ZNF541: variants seen among roughly 807,000 people sequenced by gnomAD.
The protein encoded by ZNF541 is zinc finger protein 541.
A neutral mutation model predicts 123.5 loss-of-function variants in ZNF541; 23 were observed. The observed-to-expected ratio is 0.19, with a 90% CI of 0.13 to 0.26. The LOEUF (loss-of-function observed/expected upper bound fraction) is 0.26. Ranked by LOEUF, ZNF541 falls within the 10% of genes least tolerant of loss-of-function variation. The pLI is 1.00. For synonymous variants in ZNF541, 751 were observed against 754.5 expected (o/e 1.00, Z 0.08); for missense variants, 1,612 against 1,789.9 (o/e 0.90, Z 1.79).
chr19:47,547,619 G>C (rs1346723461), intron 4 of ZNF541, among the ~76,000 whole-genome samples: 1 of 152,134 alleles, frequency 6.6e-6, no homozygotes, highest in Non-Finnish European at 1.5e-5. Context: ...CCTTTTCCTG[G>C]GGTAGGTGTG....
Position 47,529,602 on chromosome 19 carries a change from G to A in ZNF541, c.3456C>T (p.His1152=). ...CTGTGTAGCGATAGTCAGCGAGCAGGTGTGTCCGTGGCTTGTGGGGCCCTC... is the reference window on the plus strand; with the variant it reads ...CTGTGTAGCGATAGTCAGCGAGCAGATGTGTCCGTGGCTTGTGGGGCCCTC... ...LLRGPHKPRT[H]LLADYRYTGS... The change falls in exon 13 of 17, where the codon CAC becomes CAT. Residue 1152 remains histidine, a synonymous_variant. Coordinates refer to ENST00000391901, the MANE Select transcript of ZNF541 (RefSeq NM_001277075.3). The A allele has an allele frequency of 1.3e-6, 2 of 1,551,678 alleles. No individual in the cohort carries two copies. Among genetic ancestry groups the A allele is most frequent in the Non-Finnish European group, 1.7e-6 (2 of 1,146,984 alleles).
chr19:47,522,744 C>CTTTT (rs35868495), intron 14 of ZNF541, among the ~76,000 whole-genome samples: 2 of 112,448 alleles, frequency 1.8e-5, no homozygotes, highest in Non-Finnish European at 1.8e-5. Flanking sequence ...TGCAGTGAGC[C>CTTTT]TTTTTTTTTT....
In ZNF541 at chr19:47,520,987, CTA is replaced by C; in HGVS notation, c.*235_*236del. 1 of 528,838 alleles carries C rather than the reference CTA, an allele frequency of 1.9e-6. No homozygotes were observed. The highest frequency in any genetic ancestry group is 3.4e-6 in the Non-Finnish European group (1 of 297,208). The allele number at this position is 528,838 out of a possible 1,614,324, so 32.8% of individuals were successfully genotyped here. On this transcript the variant is annotated 3_prime_UTR_variant, in exon 17 of 17. Coordinates refer to ENST00000391901, the MANE Select transcript of ZNF541 (RefSeq NM_001277075.3). ...AGTGGAAGGGAAAGAAGGGGAGAGA[CTA>C]TGAACCTAAGGAGAGTGGAGCCTCC...
In ZNF541 at chr19:47,521,977, T is replaced by C. The variant is rs1969055899; in HGVS notation, c.3588A>G (p.Val1196=). ...TGTAATAATACTCAACGCACTGAGC[T>C]ACCGTCTTTGTCTGGATCTAGTGAA... The part of the protein sequence containing the change: ...LIHKMIQTKT[V]AQCVEYYYIW... Residue 1196 remains valine (V), a synonymous_variant, in exon 15 of 17, where the codon GTA becomes GTG. Transcript: ENST00000391901. This position sits in a 1 kb window ranked among gnomAD's most constrained non-coding sequence, Gnocchi z 4.2. The C allele has an allele frequency of 6.4e-7, 1 of 1,552,088 alleles. No individual in the cohort carries two copies. The highest frequency in any genetic ancestry group is 1.4e-5 in the African/African-American group (1 of 73,052).
At chr19:47,527,788 T>C (rs919018357) in intron 14 of ZNF541, among the ~76,000 whole-genome samples, 8 of 150,190 alleles carry the variant, frequency 5.3e-5, no homozygotes, top group African/African-American at 2.0e-4. Context: ...CAACCTCCGC[T>C]TCCCGGGTTC....
rs752845864 is a variant in ZNF541, at chr19:47,521,005, T to C, written c.*219A>G. On this transcript the variant is annotated 3_prime_UTR_variant, in exon 17 of 17. Coordinates refer to ENST00000391901, the MANE Select transcript of ZNF541 (RefSeq NM_001277075.3). This position sits in a 1 kb window ranked among gnomAD's most constrained non-coding sequence, Gnocchi z 4.2. ...GGAGAGACTATGAACCTAAGGAGAG[T>C]GGAGCCTCCAGCACCACCGGACAGG... The C allele has an allele frequency of 1.4e-5, 8 of 559,850 alleles. No homozygotes were observed. The highest frequency in any genetic ancestry group is 2.5e-5 in the South Asian group (1 of 39,888). 34.7% of individuals were successfully genotyped at this position (559,850 alleles called of 1,614,324 possible).
chr19:47,523,335 CT>C lies in ZNF541; in HGVS notation c.3571-1342del, dbSNP rs146852833. Among the ~76,000 whole-genome samples, 86 of 106,906 alleles carry C rather than the reference CT, an allele frequency of 8.0e-4. 1 individual carries two copies. Among genetic ancestry groups the C allele is most frequent in the South Asian group, 2.5e-3 (9 of 3,538 alleles). 70.1% of individuals were successfully genotyped at this position (106,906 alleles called of 152,430 possible). Reference sequence around the variant, plus strand: ...GAGCCACCGCGCCCGGCGAGCGTCTCTTTTAAAAAAAAAAAAAAAAAAAAAA... The same window carrying C: ...GAGCCACCGCGCCCGGCGAGCGTCTCTTTAAAAAAAAAAAAAAAAAAAAAA... On this transcript the variant is annotated intron_variant, in intron 14 of 16. Coordinates refer to ENST00000391901, the MANE Select transcript of ZNF541 (RefSeq NM_001277075.3).
rs373450606 is a variant in ZNF541 at position 47,529,571 on chromosome 19, C to A, written c.3481+6G>T. On this transcript the variant is annotated splice_donor_region_variant and intron_variant, in intron 13 of 16. Transcript: ENST00000391901. Reference sequence around the variant, plus strand: ...CCAAACCAGCTCAGCAGCCTTTCCCCGTCACCTGTGTAGCGATAGTCAGCG... The same window carrying A: ...CCAAACCAGCTCAGCAGCCTTTCCCAGTCACCTGTGTAGCGATAGTCAGCG... 6.4e-7 allele frequency: 1 copy of A among 1,551,610 alleles called. No homozygotes were observed. Among genetic ancestry groups the A allele is most frequent in the East Asian group, 2.4e-5 (1 of 40,920 alleles).
At chr19:47,548,129 CAA>C (rs60292081) in intron 4 of ZNF541, among the ~76,000 whole-genome samples, 99 of 135,304 alleles carry the variant, frequency 7.3e-4, no homozygotes, top group Middle Eastern at 3.8e-3. Flanking sequence ...GAAAAAAAAA[CAA>C]AAAAAAAAAT....
At position 47,544,613 on chromosome 19, in the gene ZNF541, G is replaced by T; in HGVS notation, c.1916C>A (p.Ser639Tyr). Reference sequence around the variant, plus strand: ...TGCGTCTCGTCTCGTGCTGCCGGGGGAGGCCTCTCTGGGAACCCCGGGTGT... The same window carrying T: ...TGCGTCTCGTCTCGTGCTGCCGGGGTAGGCCTCTCTGGGAACCCCGGGTGT... ...KTTPGVPREA[S>Y]PGSTRRDAKG... Residue 639 changes from serine to tyrosine, a missense_variant, in exon 5 of 17, where the codon TCC (serine) becomes TAC (tyrosine). Physicochemically the swap from Ser to Tyr is moderately radical, Grantham distance 144. Transcript: ENST00000391901. 6.4e-7 allele frequency: 1 copy of T among 1,551,078 alleles called. No homozygotes were observed. Among genetic ancestry groups the T allele is most frequent in the East Asian group, 2.4e-5 (1 of 40,904 alleles).
chr19:47,539,695 A>C lies in ZNF541; in HGVS notation c.2796+10T>G, dbSNP rs1232397881. The C allele has an allele frequency of 1.4e-6, 2 of 1,390,718 alleles. No individual in the cohort carries two copies. Among genetic ancestry groups the C allele is most frequent in the Admixed American group, 3.9e-5 (1 of 25,420 alleles). 86.1% of individuals were successfully genotyped at this position (1,390,718 alleles called of 1,614,324 possible). On this transcript the variant is annotated intron_variant, in intron 8 of 16. Transcript: ENST00000391901. Reference sequence around the variant, plus strand: ...AGTGGCAGGAAGGAGGCAGGCCGACAAGCACCCACCATGGCCATGCTCCCT... The same window carrying C: ...AGTGGCAGGAAGGAGGCAGGCCGACCAGCACCCACCATGGCCATGCTCCCT...
At chr19:47,571,265 A>C (rs933631979) in intron 2 of ZNF541, among the ~76,000 whole-genome samples, 1 of 152,048 alleles carries the variant, frequency 6.6e-6, no homozygotes, top group African/African-American at 2.4e-5. Context: ...GGCGCCTGCC[A>C]CCACATCCAA....
chr19:47,544,488 G>T lies in ZNF541; in HGVS notation c.2041C>A (p.Arg681=). ...PDISSLAKQL[R]SSKGTLDLED... is the part of the protein sequence containing the mutation. ...AGGTCCAAGGTCCCTTTAGAGGATC[G>T]CAGCTGCTTGGCCAGAGAAGAGATG... Residue 681 remains arginine (R), a synonymous_variant, in exon 5 of 17, where the codon CGA becomes AGA. Coordinates refer to ENST00000391901, the MANE Select transcript of ZNF541 (RefSeq NM_001277075.3). 6.4e-7 allele frequency: 1 copy of T among 1,551,696 alleles called. No individual in the cohort carries two copies. The highest frequency in any genetic ancestry group is 8.7e-7 in the Non-Finnish European group (1 of 1,147,008).
chr19:47,569,202 C>T (rs1221583449), intron 2 of ZNF541, among the ~76,000 whole-genome samples: 1 of 152,024 alleles, frequency 6.6e-6, no homozygotes, highest in African/African-American at 2.4e-5. Context: ...CTCCAGTTTT[C>T]CCAGCCCTCA....
At chr19:47,533,493 A>C (rs1341178111) in intron 9 of ZNF541, among the ~76,000 whole-genome samples, 2 of 151,974 alleles carry the variant, frequency 1.3e-5, no homozygotes, top group African/African-American at 4.8e-5. Context: ...ACAGCACACT[A>C]AAGTCTCTGG....
intron 14 of ZNF541, among the ~76,000 whole-genome samples, chr19:47,527,835 G>C (rs928954317): frequency 2.0e-5 from 3 of 151,720 alleles, no homozygotes; most frequent in Non-Finnish European, 4.4e-5. Flanking sequence ...GAGTAGCTGG[G>C]ATTACAGGCA....
intron 4 of ZNF541, among the ~76,000 whole-genome samples, chr19:47,547,896 C>T (rs141931096): frequency 0.014 from 2,103 of 151,460 alleles, 32 homozygotes; most frequent in Middle Eastern, 0.055. Context: ...AAAAATTAGC[C>T]AGGCATGATA....
chr19:47,521,628 G>A lies in ZNF541; in HGVS notation c.3738C>T (p.Pro1246=). Reference sequence around the variant, plus strand: ...TTAACTTGGGAGTTGGATGGTGGCTGGGTCTCTCCCGAGGGCTGCATGGGA... The same window carrying A: ...TTAACTTGGGAGTTGGATGGTGGCTAGGTCTCTCCCGAGGGCTGCATGGGA... ...EKVPCSPRER[P]SHHPTPKLKT... is the part of the protein sequence containing the mutation. The change falls in exon 16 of 17, where the codon CCC becomes CCT. Residue 1246 remains proline (P), a synonymous_variant. Transcript: ENST00000391901. This position sits in a 1 kb window ranked among gnomAD's most constrained non-coding sequence, Gnocchi z 4.2. 1 of 1,551,746 alleles carries A rather than the reference G, an allele frequency of 6.4e-7. No individual in the cohort carries two copies. The highest frequency in any genetic ancestry group is 8.7e-7 in the Non-Finnish European group (1 of 1,146,978).
At chr19:47,548,086 A>G (rs1316576258) in intron 4 of ZNF541, among the ~76,000 whole-genome samples, 5 of 150,726 alleles carry the variant, frequency 3.3e-5, no homozygotes, top group Non-Finnish European at 7.4e-5. Flanking sequence ...TTAAGTCAAA[A>G]GTTAAAAGGA....
Sources: allele counts gnomAD v4.1 joint callset (sites outside exome capture counted in the v4.1 genomes callset), GRCh38; gene constraint gnomAD v4.1.1; non-coding constraint Gnocchi (gnomAD v3.1); transcripts MANE v1.5; gene names NCBI Gene and HGNC (gene_info 2026-07-23, HGNC 2026-07-21).